Variants in LYPLAL1 observed in about 807,000 individuals in gnomAD.
LYPLAL1 encodes lysophospholipase-like protein 1.
A neutral mutation model predicts 19.7 loss-of-function variants in LYPLAL1; 23 were observed. The observed-to-expected ratio is 1.17, with a 90% CI of 0.84 to 1.65. The LOEUF is 1.65. Ranked by LOEUF, LYPLAL1 falls within the 40% of genes most tolerant of loss-of-function variation. The pLI is 0.00. For missense variants in LYPLAL1, 355 were observed against 279.4 expected (o/e 1.27, Z -1.93); for synonymous variants, 119 against 96.3 (o/e 1.24, Z -1.38).
chr1:219,267,762 T>C, the LYPLAL1 span, among the ~76,000 whole-genome samples: 37,757 of 152,058 alleles, frequency 0.25, 4,819 homozygotes, highest in Non-Finnish European at 0.29. Context: ...AATTGCAGAG[T>C]AGAGATTCAA....
At chr1:219,216,623 A>G (rs1224003654), downstream of LYPLAL1, among the ~76,000 whole-genome samples, 1 of 152,060 alleles carries the variant, frequency 6.6e-6, no homozygotes, top group East Asian at 1.9e-4. Flanking sequence ...TCTTCCTTTC[A>G]GGAGGTTCAT....
the LYPLAL1 span, among the ~76,000 whole-genome samples, chr1:219,302,864 A>G: frequency 1.1e-4 from 16 of 152,076 alleles, no homozygotes; most frequent in African/African-American, 3.9e-4. Flanking sequence ...TGCTTCCTCT[A>G]AATGCCTAAT....
the LYPLAL1 span, among the ~76,000 whole-genome samples, chr1:219,438,853 A>G: frequency 6.6e-6 from 1 of 152,188 alleles, no homozygotes; most frequent in East Asian, 1.9e-4. Flanking sequence ...ATCCATCAAA[A>G]ATGAAATTGT....
At chr1:219,369,167 C>T in the LYPLAL1 span, among the ~76,000 whole-genome samples, 1 of 152,226 alleles carries the variant, frequency 6.6e-6, no homozygotes, top group Non-Finnish European at 1.5e-5. Context: ...AAAAAGACTA[C>T]TTCAGACTTA....
At chr1:219,393,634 T>C in the LYPLAL1 span, among the ~76,000 whole-genome samples, 16 of 152,236 alleles carry the variant, frequency 1.1e-4, no homozygotes, top group African/African-American at 3.9e-4. Flanking sequence ...AACTCAAATA[T>C]AACTGTTAAT....
At chr1:219,374,327 A>C in the LYPLAL1 span, among the ~76,000 whole-genome samples, 1 of 152,108 alleles carries the variant, frequency 6.6e-6, no homozygotes, top group Admixed American at 6.5e-5. Flanking sequence ...CCATATTTAT[A>C]TCAGCCGTGG....
At chr1:219,296,106 GT>G in the LYPLAL1 span, among the ~76,000 whole-genome samples, 538 of 152,250 alleles carry the variant, frequency 3.5e-3, 3 homozygotes, top group South Asian at 0.014. Flanking sequence ...AAATTTTAAA[GT>G]TCTCTGCCCA....
chr1:219,388,379 T>C, the LYPLAL1 span, among the ~76,000 whole-genome samples: 2 of 152,300 alleles, frequency 1.3e-5, no homozygotes, highest in South Asian at 4.1e-4. Context: ...CACGTTTCCT[T>C]GTACACTTAT....
At chr1:219,359,717 G>A in the LYPLAL1 span, among the ~76,000 whole-genome samples, 4 of 152,132 alleles carry the variant, frequency 2.6e-5, no homozygotes, top group African/African-American at 9.6e-5. Flanking sequence ...GTCACTGAAG[G>A]GATATAAACT....
At chr1:219,391,931 C>T in the LYPLAL1 span, among the ~76,000 whole-genome samples, 1 of 152,168 alleles carries the variant, frequency 6.6e-6, no homozygotes, top group East Asian at 1.9e-4. Context: ...TCTCTTTAAT[C>T]ATTGATATGT....
At chr1:219,411,511 T>A in the LYPLAL1 span, among the ~76,000 whole-genome samples, 15 of 152,152 alleles carry the variant, frequency 9.9e-5, no homozygotes, top group African/African-American at 3.6e-4. Context: ...ATAAGCGCCC[T>A]GACAAAACAG....
chr1:219,174,903 A>G (rs1193311055), intron 1 of LYPLAL1: 3 of 985,360 alleles, frequency 3.0e-6, no homozygotes, highest in Non-Finnish European at 1.2e-6. Flanking sequence ...AAGACGGTGC[A>G]TGGTTTCCTG....
At chr1:219,243,454 A>G in the LYPLAL1 span, among the ~76,000 whole-genome samples, 51 of 152,290 alleles carry the variant, frequency 3.3e-4, no homozygotes, top group African/African-American at 1.1e-3. Flanking sequence ...AACAAAATAA[A>G]GGAAGAGCAG....
the LYPLAL1 span, among the ~76,000 whole-genome samples, chr1:219,255,598 C>T: frequency 1.3e-5 from 2 of 151,646 alleles, no homozygotes; most frequent in South Asian, 4.2e-4. Context: ...ATTTCTTTTT[C>T]TTGCCTTGTT....
At chr1:219,188,486 G>A (rs191846090) in intron 2 of LYPLAL1, among the ~76,000 whole-genome samples, 3 of 151,754 alleles carry the variant, frequency 2.0e-5, no homozygotes, top group South Asian at 2.1e-4. Flanking sequence ...TAATAAGCTC[G>A]TACTATTTGA....
At chr1:219,439,994 C>CATATATATAT in the LYPLAL1 span, among the ~76,000 whole-genome samples, 868 of 117,548 alleles carry the variant, frequency 7.4e-3, 40 homozygotes, top group Admixed American at 0.066. Context: ...TATATATACA[C>CATATATATAT]ACATATATAT....
the LYPLAL1 span, among the ~76,000 whole-genome samples, chr1:219,422,559 A>G: frequency 6.6e-6 from 1 of 152,220 alleles, no homozygotes; most frequent in Non-Finnish European, 1.5e-5. Flanking sequence ...TAAGATATAC[A>G]GAAAAATATA....
chr1:219,182,017 G>A (rs1656333810), intron 2 of LYPLAL1, among the ~76,000 whole-genome samples: 1 of 152,064 alleles, frequency 6.6e-6, no homozygotes, highest in African/African-American at 2.4e-5. Flanking sequence ...TATTTTAATT[G>A]TGTAATAGTT....
At chr1:219,399,016 C>T in the LYPLAL1 span, among the ~76,000 whole-genome samples, 1 of 152,228 alleles carries the variant, frequency 6.6e-6, no homozygotes, top group Non-Finnish European at 1.5e-5. Context: ...CAGTGTGATC[C>T]GTCCTCATTT....
Sources: allele counts gnomAD v4.1 joint callset (sites outside exome capture counted in the v4.1 genomes callset), GRCh38; gene constraint gnomAD v4.1.1; transcripts MANE v1.5; gene names NCBI Gene and HGNC (gene_info 2026-07-23, HGNC 2026-07-21).